Variants in RNF138 observed in about 807,000 individuals in gnomAD.
RNF138 encodes the protein ring finger protein 138, also known as E3 ubiquitin-protein ligase RNF138.
A neutral mutation model predicts 31.0 loss-of-function variants in RNF138; 12 were observed. The ratio of observed to expected loss-of-function variants is 0.39; its 90% confidence interval spans 0.25 to 0.63. RNF138 has a LOEUF of 0.63. Among genes scored for constraint, RNF138 ranks in the 20% least tolerant of loss-of-function variants. The pLI is 0.52. For missense variants in RNF138, 192 were observed against 300.1 expected, an observed-to-expected ratio of 0.64 and a Z score of 2.66; for synonymous variants, 105 against 99.5, an observed-to-expected ratio of 1.06 and a Z score of -0.33.
chr18:32,126,563 C>T, intron 6 of RNF138, 130 bp from the exon 7 acceptor site: 1 of 547,988 alleles, frequency 1.8e-6, no homozygotes. Flanking sequence ...AGTCATGGAA[C>T]TTGGCCTTTA....
At chr18:32,102,411 T>C (rs1473742688) in intron 2 of RNF138, among the ~76,000 whole-genome samples, 1 of 150,988 alleles carries the variant, frequency 6.6e-6, no homozygotes. Context: ...CCATGTTAGC[T>C]GGGATGGTCT....
chr18:32,106,548 T>TTTATTTA (rs112355865), intron 2 of RNF138, among the ~76,000 whole-genome samples: 1 of 146,804 alleles, frequency 6.8e-6, no homozygotes, highest in Non-Finnish European at 1.5e-5. Flanking sequence ...TTTTATTTTA[T>TTTATTTA]TTTATTTATT....
At chr18:32,101,464 C>G (rs1410916195) in intron 2 of RNF138, among the ~76,000 whole-genome samples, 2 of 152,018 alleles carry the variant, frequency 1.3e-5, no homozygotes, top group Non-Finnish European at 2.9e-5. Context: ...AACTCCTGAC[C>G]TCAAGTGATT....
chr18:32,114,515 A>G (rs945461430), intron 4 of RNF138, among the ~76,000 whole-genome samples: 3 of 152,172 alleles, frequency 2.0e-5, no homozygotes, highest in Admixed American at 2.0e-4. Flanking sequence ...AAACTTCAGG[A>G]TCTCTATGTG....
Position 32,124,833 on chromosome 18 carries a change from G to A in RNF138, c.549G>A (p.Gln183=). The change falls in exon 6 of 8, where the codon CAG becomes CAA. Residue 183 remains glutamine (Q), a synonymous_variant. Coordinates refer to ENST00000261593, the MANE Select transcript of RNF138 (RefSeq NM_016271.5). ...LDHCNSNHLF[Q]IVPVTCPICV... The stretch of plus-strand genomic sequence containing the variant: ...ACTGTAACAGTAATCACCTATTTCA[G>A]ATAGTTCCTGTGGTAAGTACATACG... 6.5e-7 allele frequency: 1 copy of A among 1,530,192 alleles called. No homozygotes were observed. The allele number at this position is 1,530,192 out of a possible 1,614,324, so 94.8% of individuals were successfully genotyped here. A position where few individuals can be genotyped will look rare whatever the true frequency, so the allele number is the denominator to read the frequency against.
chr18:32,104,707 A>G (rs115853219), intron 2 of RNF138, among the ~76,000 whole-genome samples: 239 of 152,344 alleles, frequency 1.6e-3, no homozygotes, highest in African/African-American at 5.4e-3. Flanking sequence ...ACTAAACAAT[A>G]AAAATATACA....
At chr18:32,100,656 A>G in intron 2 of RNF138, among the ~76,000 whole-genome samples, 1 of 151,854 alleles carries the variant, frequency 6.6e-6, no homozygotes. Context: ...TGTATTTTTA[A>G]TAGAGACGGG....
At chr18:32,111,428 G>A (rs779005983) in intron 2 of RNF138, among the ~76,000 whole-genome samples, 3 of 152,294 alleles carry the variant, frequency 2.0e-5, no homozygotes, top group Non-Finnish European at 2.9e-5. Context: ...AAATGGCAGA[G>A]CCAGGATCCG....
Position 32,111,793 on chromosome 18 carries a change from C to T in RNF138, c.150C>T (p.Ser50=), listed in dbSNP as rs769479251. 8.7e-6 allele frequency: 14 copies of T among 1,613,060 alleles called. No individual in the cohort carries two copies. The highest frequency in any genetic ancestry group is 5.5e-5 in the South Asian group (5 of 90,932). Residue 50 remains serine (S), a synonymous_variant, in exon 3 of 8, where the codon AGC becomes AGT. Coordinates refer to ENST00000261593, the MANE Select transcript of RNF138 (RefSeq NM_016271.5). ...RKCFLTAMRE[S]GAHCPLCRGN... is the part of the protein sequence containing the mutation. ...GTTTCCTGACTGCAATGAGGGAAAG[C>T]GGAGCACATTGTCCCCTATGTCGTG...
chr18:32,097,977 T>TGTGTGTGTGTGTGTG lies in RNF138; in HGVS notation c.110+5091_110+5092insGTGTGTGTGTGTGTG, dbSNP rs763759065. 8.0e-5 allele frequency among the ~76,000 whole-genome samples: 4 copies of TGTGTGTGTGTGTGTG among 49,704 alleles called. No individual in the cohort carries two copies. The South Asian group carries it at 1.9e-3, about 24-fold the overall frequency. The allele number at this position is 49,704 out of a possible 152,430, so 32.6% of individuals were successfully genotyped here. A position where few individuals can be genotyped will look rare whatever the true frequency, so the allele number is the denominator to read the frequency against. On this transcript the variant is annotated intron_variant, in intron 2 of 7. Coordinates refer to ENST00000261593, the MANE Select transcript of RNF138 (RefSeq NM_016271.5). The stretch of plus-strand genomic sequence containing the variant: ...GTGTGTGTGTGTGTGTGTGTGTGTG[T>TGTGTGTGTGTGTGTG]TATTTTTGTTTGTTTGTTTGTTTGT...
chr18:32,098,932 G>C (rs2039866823), intron 2 of RNF138, among the ~76,000 whole-genome samples: 2 of 142,122 alleles, frequency 1.4e-5, no homozygotes, highest in Non-Finnish European at 3.1e-5. Context: ...TTTTTTTGAA[G>C]TTTTTTTGGG....
At chr18:32,121,999 G>A (rs2040313789) in intron 4 of RNF138, among the ~76,000 whole-genome samples, 1 of 152,132 alleles carries the variant, frequency 6.6e-6, no homozygotes, top group Admixed American at 6.6e-5. Context: ...CTCCCGAGTA[G>A]TTGGGATTAC....
intron 2 of RNF138, among the ~76,000 whole-genome samples, chr18:32,094,573 C>T (rs2144556195): frequency 6.6e-6 from 1 of 151,898 alleles, no homozygotes; most frequent in African/African-American, 2.4e-5. Flanking sequence ...ATCCTCAAAC[C>T]TTGTTACAGG....
At chr18:32,113,704 G>T in intron 3 of RNF138, 41 bp from the exon 4 acceptor site, 1 of 907,636 alleles carries the variant, frequency 1.1e-6, no homozygotes, top group Non-Finnish European at 1.7e-6. Context: ...AATCTTACGA[G>T]TTCTATTTTA....
chr18:32,094,967 G>T (rs922519676), intron 2 of RNF138, among the ~76,000 whole-genome samples: 1 of 152,148 alleles, frequency 6.6e-6, no homozygotes, highest in African/African-American at 2.4e-5. Flanking sequence ...CCTCAAGACT[G>T]TGGAAAATGT....
In RNF138 at chr18:32,129,356, G is replaced by C; in HGVS notation, c.*169G>C. 1.2e-5 allele frequency: 6 copies of C among 519,382 alleles called. No individual in the cohort carries two copies. In the South Asian group the frequency reaches 1.9e-4, roughly 16 times the overall value. The allele number at this position is 519,382 out of a possible 1,614,324, so 32.2% of individuals were successfully genotyped here. ...GGGCTTCTAAAAACTTCATCATCTT[G>C]ATAAGTTAAAAAATGAAAGTTATGA... On this transcript the variant is annotated 3_prime_UTR_variant, in exon 8 of 8. Coordinates refer to ENST00000261593, the MANE Select transcript of RNF138 (RefSeq NM_016271.5).
chr18:32,102,507 T>A (rs2039961574), intron 2 of RNF138, among the ~76,000 whole-genome samples: 1 of 151,500 alleles, frequency 6.6e-6, no homozygotes, highest in South Asian at 2.1e-4. Flanking sequence ...GGCCCTTTTT[T>A]TTAGTTTCTT....
intron 7 of RNF138, among the ~76,000 whole-genome samples, chr18:32,127,110 G>T (rs1012793713): frequency 2.0e-5 from 3 of 152,128 alleles, no homozygotes; most frequent in African/African-American, 7.2e-5. Context: ...ACCTACAAGA[G>T]AAGTAAAATT....
chr18:32,114,617 C>T (rs1290726157), intron 4 of RNF138, among the ~76,000 whole-genome samples: 2 of 152,120 alleles, frequency 1.3e-5, no homozygotes, highest in South Asian at 4.1e-4. Flanking sequence ...TATGTATCAT[C>T]ACCCATGCAT....
Sources: allele counts gnomAD v4.1 joint callset (sites outside exome capture counted in the v4.1 genomes callset), GRCh38; gene constraint gnomAD v4.1.1; transcripts MANE v1.5; gene names NCBI Gene and HGNC (gene_info 2026-07-23, HGNC 2026-07-21).